The following CSMD2 variants were observed in gnomAD, a reference collection of about 807,000 sequenced individuals.
CSMD2 encodes the protein CUB and sushi domain-containing protein 2.
In CSMD2, 130 loss-of-function variants were observed where a neutral mutation model predicts 398.5. That is an observed-to-expected ratio of 0.33 (90% CI 0.28 to 0.38). The LOEUF (loss-of-function observed/expected upper bound fraction) is 0.38, where lower values mean the gene tolerates loss of function less well. CSMD2 is among the 10% of genes least tolerant of loss of function. CSMD2 has a pLI of 1.00. For synonymous variants in CSMD2, 1,828 were observed against 1,908.5 expected (o/e 0.96, Z 1.10); for missense variants, 3,829 against 4,764.9 (o/e 0.80, Z 5.78).
chr1:34,049,279 G>A (rs1441555783), intron 2 of CSMD2, among the ~76,000 whole-genome samples: 1 of 152,178 alleles, frequency 6.6e-6, no homozygotes, highest in Non-Finnish European at 1.5e-5. Context: ...TTTGGTCACT[G>A]GAGAGTTTTT....
chr1:34,115,374 T>C (rs770872), intron 1 of CSMD2, among the ~76,000 whole-genome samples: 60,606 of 151,660 alleles, frequency 0.4, 12,681 homozygotes, highest in East Asian at 0.69. Context: ...TACAAAAGAG[T>C]TCTCATAAGA....
chr1:34,036,162 C>T (rs1171758181), intron 2 of CSMD2, among the ~76,000 whole-genome samples: 1 of 151,368 alleles, frequency 6.6e-6, no homozygotes, highest in Non-Finnish European at 1.5e-5. Context: ...GCAATTTACT[C>T]CAGAGAAGTG....
At chr1:33,856,427 A>G (rs917955830) in intron 5 of CSMD2, among the ~76,000 whole-genome samples, 1 of 152,082 alleles carries the variant, frequency 6.6e-6, no homozygotes, top group African/African-American at 2.4e-5. Flanking sequence ...AGCCTTGCCC[A>G]CTTTCCACCT....
At chr1:33,516,901 A>G (rs1282531065) in intron 70 of CSMD2, among the ~76,000 whole-genome samples, 1 of 72,450 alleles carries the variant, frequency 1.4e-5, no homozygotes, top group Non-Finnish European at 2.8e-5. Context: ...TTTCAAAATC[A>G]GATGAAAAAA....
chr1:33,553,931 C>A (rs1347273254), intron 55 of CSMD2, among the ~76,000 whole-genome samples: 1 of 152,038 alleles, frequency 6.6e-6, no homozygotes, highest in Non-Finnish European at 1.5e-5. Flanking sequence ...AAAGCCTAAT[C>A]CAGAGCAAGG....
chr1:33,561,353 G>T (rs1658525516), intron 53 of CSMD2, among the ~76,000 whole-genome samples: 1 of 152,192 alleles, frequency 6.6e-6, no homozygotes, highest in Non-Finnish European at 1.5e-5. Flanking sequence ...TTTCGGCTCA[G>T]CTCTGCCCCT....
chr1:33,876,576 C>A (rs11800213), intron 5 of CSMD2, among the ~76,000 whole-genome samples: 1 of 152,210 alleles, frequency 6.6e-6, no homozygotes, highest in Non-Finnish European at 1.5e-5. Flanking sequence ...ATTACAGCAA[C>A]CCTTTATAAC....
intron 2 of CSMD2, among the ~76,000 whole-genome samples, chr1:34,035,845 C>T (rs1651056716): frequency 6.6e-6 from 1 of 151,894 alleles, no homozygotes; most frequent in African/African-American, 2.4e-5. Flanking sequence ...GTTAGAAAAT[C>T]CGCAAAAGAC....
At chr1:34,035,034 G>A (rs10914855) in intron 2 of CSMD2, among the ~76,000 whole-genome samples, 6,665 of 152,166 alleles carry the variant, frequency 0.044, 206 homozygotes, top group East Asian at 0.15. Flanking sequence ...GTTGGCAAGG[G>A]CTAAGGAAAA....
At chr1:33,842,935 G>A (rs1321493573) in intron 6 of CSMD2, among the ~76,000 whole-genome samples, 2 of 152,090 alleles carry the variant, frequency 1.3e-5, no homozygotes, top group Non-Finnish European at 2.9e-5. Flanking sequence ...TGCTTGACCT[G>A]GAACATATCT....
intron 1 of CSMD2, among the ~76,000 whole-genome samples, chr1:34,132,685 G>A (rs1467136636): frequency 6.6e-6 from 1 of 152,214 alleles, no homozygotes; most frequent in Non-Finnish European, 1.5e-5. Context: ...AATAGACAGA[G>A]AAGAGGCAAA....
intron 4 of CSMD2, among the ~76,000 whole-genome samples, chr1:33,923,305 G>A (rs114635162): frequency 1.3e-5 from 2 of 152,000 alleles, no homozygotes; most frequent in African/African-American, 4.8e-5. Context: ...GAGTCATCTC[G>A]AGAGCTGATT....
intron 1 of CSMD2, among the ~76,000 whole-genome samples, chr1:34,151,819 C>G (rs576100527): frequency 6.8e-6 from 1 of 147,920 alleles, no homozygotes; most frequent in Non-Finnish European, 1.5e-5. Flanking sequence ...CTCCCTCCCC[C>G]CCCTTCTCTC....
intron 5 of CSMD2, among the ~76,000 whole-genome samples, chr1:33,871,878 AT>A (rs1295719776): frequency 8.5e-5 from 13 of 152,316 alleles, no homozygotes; most frequent in African/African-American, 3.1e-4. Context: ...AAGTGCTGGG[AT>A]TACGGCACGA....
intron 3 of CSMD2, among the ~76,000 whole-genome samples, chr1:34,006,141 T>C (rs1647046981): frequency 6.6e-6 from 1 of 152,162 alleles, no homozygotes; most frequent in Admixed American, 6.5e-5. Flanking sequence ...CTCCAGCCCA[T>C]CTTGGTTCAT....
chr1:34,153,586 G>GCGCA (rs1640529212), intron 1 of CSMD2, among the ~76,000 whole-genome samples: 1 of 152,188 alleles, frequency 6.6e-6, no homozygotes, highest in African/African-American at 2.4e-5. Context: ...GAGAGCTCAG[G>GCGCA]CGCACAGAGG....
intron 55 of CSMD2, 116 bp from the exon 56 acceptor site, chr1:33,550,466 C>G: frequency 1.8e-6 from 2 of 1,123,952 alleles, no homozygotes; most frequent in Non-Finnish European, 2.5e-6. Context: ...CCAAGGGTAT[C>G]TGTTGAAGCA....
At position 33,652,518 on chromosome 1, in the gene CSMD2, T is replaced by C. The variant is rs184236060; in HGVS notation, c.4448-57A>G. On this transcript the variant is annotated intron_variant, in intron 27 of 70. Coordinates refer to ENST00000373381, the MANE Select transcript of CSMD2 (RefSeq NM_001281956.2). Reference sequence around the variant, plus strand: ...CCTCTTCACCCTGGGCTCATTTTCATGGGTGTTGCTAATGCACTATTGAGA... The same window carrying C: ...CCTCTTCACCCTGGGCTCATTTTCACGGGTGTTGCTAATGCACTATTGAGA... 789 of 1,596,958 alleles carry C rather than the reference T, an allele frequency of 4.9e-4. 3 individuals carry two copies. In the African/African-American group the frequency reaches 8.7e-3, roughly 18 times the overall value.
intron 13 of CSMD2, among the ~76,000 whole-genome samples, chr1:33,749,946 T>C (rs980428076): frequency 6.6e-6 from 1 of 152,174 alleles, no homozygotes; most frequent in African/African-American, 2.4e-5. Context: ...ATGATATGTA[T>C]GATACACACA....
Sources: allele counts gnomAD v4.1 joint callset (sites outside exome capture counted in the v4.1 genomes callset), GRCh38; gene constraint gnomAD v4.1.1; transcripts MANE v1.5; gene names NCBI Gene and HGNC (gene_info 2026-07-23, HGNC 2026-07-21).